Variants in MSRB3 observed in about 807,000 individuals in gnomAD.
MSRB3 encodes the protein methionine-R-sulfoxide reductase B3.
In MSRB3, 13 loss-of-function variants were observed where a neutral mutation model predicts 21.0. The observed-to-expected ratio is 0.62, with a 90% CI of 0.40 to 0.98. The LOEUF (loss-of-function observed/expected upper bound fraction) is 0.98, where lower values mean the gene tolerates loss of function less well. Among genes scored for constraint, MSRB3 ranks in the 50% least tolerant of loss-of-function variants. The pLI is 0.00. For missense variants in MSRB3, 199 were observed against 230.3 expected, an observed-to-expected ratio of 0.86 and a Z score of 0.88; for synonymous variants, 87 against 88.6, an observed-to-expected ratio of 0.98 and a Z score of 0.10.
At chr12:65,416,135 A>G (rs1325093821) in intron 5 of MSRB3, among the ~76,000 whole-genome samples, 1 of 152,238 alleles carries the variant, frequency 6.6e-6, no homozygotes, top group Non-Finnish European at 1.5e-5. Context: ...GTCTTAGTCA[A>G]CTTGGATACA....
At chr12:65,389,976 C>G (rs1879390263) in intron 5 of MSRB3, among the ~76,000 whole-genome samples, 1 of 152,146 alleles carries the variant, frequency 6.6e-6, no homozygotes, top group African/African-American at 2.4e-5. Flanking sequence ...TCTTTTTGAA[C>G]AATCATCTTG....
intron 5 of MSRB3, among the ~76,000 whole-genome samples, chr12:65,409,445 ATACTT>A (rs1565878887): frequency 6.6e-6 from 1 of 152,090 alleles, no homozygotes; most frequent in African/African-American, 2.4e-5. Context: ...TTGTGTATCT[ATACTT>A]ATATAGATAC....
chr12:65,389,766 C>T (rs558867547), intron 5 of MSRB3, among the ~76,000 whole-genome samples: 110 of 152,276 alleles, frequency 7.2e-4, no homozygotes, highest in Non-Finnish European at 1.2e-3. Flanking sequence ...CTAAATTCCC[C>T]GGAAAAATCC....
chr12:65,323,945 T>C (rs1351057383), intron 2 of MSRB3, among the ~76,000 whole-genome samples: 3 of 152,334 alleles, frequency 2.0e-5, no homozygotes, highest in South Asian at 4.1e-4. Context: ...AATTGTTTAA[T>C]GTAAAATCAC....
intron 4 of MSRB3, among the ~76,000 whole-genome samples, chr12:65,338,829 C>A (rs1292388899): frequency 6.6e-6 from 1 of 152,136 alleles, no homozygotes; most frequent in Admixed American, 6.5e-5. Context: ...AATTCTAGCA[C>A]TTTGGAAGGC....
At chr12:65,434,384 A>C (rs978365347) in intron 5 of MSRB3, among the ~76,000 whole-genome samples, 1 of 151,898 alleles carries the variant, frequency 6.6e-6, no homozygotes, top group South Asian at 2.1e-4. Context: ...CCCAGGGTGC[A>C]GGCAGTTTAA....
intron 5 of MSRB3, among the ~76,000 whole-genome samples, chr12:65,406,522 T>C (rs552779437): frequency 1.1e-4 from 16 of 152,334 alleles, no homozygotes; most frequent in Non-Finnish European, 2.1e-4. Context: ...CCCAAAACTA[T>C]CTACAGAGTC....
At chr12:65,391,774 C>T (rs943930405) in intron 5 of MSRB3, among the ~76,000 whole-genome samples, 2 of 151,982 alleles carry the variant, frequency 1.3e-5, no homozygotes, top group Non-Finnish European at 2.9e-5. Context: ...AAGAAGAAGC[C>T]AGAGTGCTGG....
At chr12:65,333,737 G>A (rs1052578319) in intron 4 of MSRB3, among the ~76,000 whole-genome samples, 2 of 152,164 alleles carry the variant, frequency 1.3e-5, no homozygotes, top group Non-Finnish European at 2.9e-5. Context: ...CTTTGAATGC[G>A]CTTCCATCAT....
At chr12:65,425,051 T>TATATAAAAATATATATAA (rs1303087061) in intron 5 of MSRB3, among the ~76,000 whole-genome samples, 1 of 22,324 alleles carries the variant, frequency 4.5e-5, no homozygotes, top group African/African-American at 1.6e-4. Context: ...ATGTATATTA[T>TATATAAAAATATATATAA]ATATATTTAC....
chr12:65,401,227 A>G (rs192706097), intron 5 of MSRB3, among the ~76,000 whole-genome samples: 1 of 152,242 alleles, frequency 6.6e-6, no homozygotes, highest in Non-Finnish European at 1.5e-5. Flanking sequence ...GTCTCCCACT[A>G]TTATTGTATG....
intron 5 of MSRB3, among the ~76,000 whole-genome samples, chr12:65,449,279 C>A (rs1882756940): frequency 6.6e-6 from 1 of 151,518 alleles, no homozygotes; most frequent in African/African-American, 2.4e-5. Context: ...CCTCATGATC[C>A]ACCCCCCCAG....
chr12:65,349,029 G>A (rs909061544), intron 4 of MSRB3, among the ~76,000 whole-genome samples: 3 of 152,018 alleles, frequency 2.0e-5, no homozygotes, highest in Non-Finnish European at 4.4e-5. Flanking sequence ...TCTAGCATTA[G>A]GTATATCTCC....
intron 6 of MSRB3, among the ~76,000 whole-genome samples, chr12:65,456,367 T>G (rs145095871): frequency 2.0e-5 from 3 of 152,358 alleles, no homozygotes; most frequent in Admixed American, 6.5e-5. Flanking sequence ...CAAATTCTTA[T>G]AATTCACTGT....
rs528475443 is a variant in MSRB3 at position 65,464,118 on chromosome 12, C to G, written c.*796C>G. On this transcript the variant is annotated 3_prime_UTR_variant, in exon 7 of 7. Transcript: ENST00000308259. Reference sequence around the variant, plus strand: ...TGAAACCCCGTCTCTACTAAAAATACGAAAAATTAGCCAGGCGTGGTGGTG... The same window carrying G: ...TGAAACCCCGTCTCTACTAAAAATAGGAAAAATTAGCCAGGCGTGGTGGTG... 2.0e-5 allele frequency: 3 copies of G among 152,236 alleles called. No individual in the cohort carries two copies. Among genetic ancestry groups the G allele is most frequent in the African/African-American group, 7.2e-5 (3 of 41,402 alleles). 9.4% of individuals were successfully genotyped at this position (152,236 alleles called of 1,614,324 possible).
chr12:65,395,317 T>G (rs889775700), intron 5 of MSRB3, among the ~76,000 whole-genome samples: 1 of 151,944 alleles, frequency 6.6e-6, no homozygotes, highest in African/African-American at 2.4e-5. Flanking sequence ...AAATACAAAA[T>G]TAGCCGGGCA....
chr12:65,406,427 A>G (rs1880416906), intron 5 of MSRB3, among the ~76,000 whole-genome samples: 1 of 152,242 alleles, frequency 6.6e-6, no homozygotes, highest in Non-Finnish European at 1.5e-5. Context: ...TAAAACGTTC[A>G]TGAAAGGAAT....
At chr12:65,394,400 T>C (rs182853535) in intron 5 of MSRB3, among the ~76,000 whole-genome samples, 1 of 152,208 alleles carries the variant, frequency 6.6e-6, no homozygotes, top group Non-Finnish European at 1.5e-5. Context: ...ACTTGAGAAA[T>C]AGGATATACT....
intron 1 of MSRB3, among the ~76,000 whole-genome samples, chr12:65,293,565 A>G (rs908989716): frequency 2.6e-5 from 4 of 152,158 alleles, no homozygotes; most frequent in South Asian, 4.1e-4. Flanking sequence ...AATCTGGGCA[A>G]CAGTCTTAGC....
Sources: allele counts gnomAD v4.1 joint callset (sites outside exome capture counted in the v4.1 genomes callset), GRCh38; gene constraint gnomAD v4.1.1; transcripts MANE v1.5; gene names NCBI Gene and HGNC (gene_info 2026-07-23, HGNC 2026-07-21).